Variants in AOPEP observed in about 807,000 individuals in gnomAD.
AOPEP encodes the protein aminopeptidase O (putative).
AOPEP carries 77 observed loss-of-function variants against 98.1 expected under a neutral mutation model. The observed-to-expected ratio is 0.78, with a 90% CI of 0.65 to 0.95. AOPEP has a LOEUF of 0.95. Among genes scored for constraint, AOPEP ranks in the 40% least tolerant of loss-of-function variants. The probability of loss-of-function intolerance (pLI) is 0.00; values close to 1 mark genes in which losing one functional copy is unlikely to be tolerated. For missense variants in AOPEP, 1,024 were observed against 1,024.7 expected, an observed-to-expected ratio of 1.00 and a Z score of 0.01; for synonymous variants, 346 against 365.3, an observed-to-expected ratio of 0.95 and a Z score of 0.60.
the AOPEP span, among the ~76,000 whole-genome samples, chr9:95,144,910 G>C: frequency 6.6e-6 from 1 of 152,032 alleles, no homozygotes; most frequent in Non-Finnish European, 1.5e-5. Context: ...CAAACATAAC[G>C]CTCGGACTCC....
intron 13 of AOPEP, among the ~76,000 whole-genome samples, chr9:95,021,036 T>A (rs1225829084): frequency 1.3e-5 from 2 of 151,932 alleles, no homozygotes; most frequent in Non-Finnish European, 2.9e-5. Context: ...TATTTGTAAA[T>A]ATATATGTTA....
chr9:95,118,788 T>C, the AOPEP span, among the ~76,000 whole-genome samples: 1 of 152,242 alleles, frequency 6.6e-6, no homozygotes, highest in African/African-American at 2.4e-5. Flanking sequence ...ATTGTATGAA[T>C]ATGCCATAGT....
intron 14 of AOPEP, among the ~76,000 whole-genome samples, chr9:95,063,026 G>C (rs1393594550): frequency 6.6e-6 from 1 of 152,194 alleles, no homozygotes; most frequent in East Asian, 1.9e-4. Flanking sequence ...ATGCTCCTTG[G>C]CCTGGAGAGT....
At chr9:94,947,121 C>A (rs1352934077) in intron 7 of AOPEP, among the ~76,000 whole-genome samples, 2 of 151,282 alleles carry the variant, frequency 1.3e-5, no homozygotes, top group Non-Finnish European at 2.9e-5. Context: ...GGACTACAGG[C>A]GCCTGCCACC....
chr9:94,756,777 G>C (rs1229750370), intron 1 of AOPEP, among the ~76,000 whole-genome samples: 1 of 152,106 alleles, frequency 6.6e-6, no homozygotes, highest in Non-Finnish European at 1.5e-5. Flanking sequence ...CTTTTGGGCA[G>C]CACTCCTGAC....
At chr9:94,874,380 A>C (rs1216148197) in intron 5 of AOPEP, among the ~76,000 whole-genome samples, 4 of 152,170 alleles carry the variant, frequency 2.6e-5, no homozygotes, top group Non-Finnish European at 4.4e-5. Context: ...CTTTAAAAAA[A>C]AAGCCACAGG....
chr9:94,929,302 G>A (rs183329483), intron 7 of AOPEP, among the ~76,000 whole-genome samples: 1 of 152,210 alleles, frequency 6.6e-6, no homozygotes, highest in Non-Finnish European at 1.5e-5. Context: ...TTAGATGGCC[G>A]CCCTGAAGGC....
At chr9:94,983,937 A>G (rs1042952307) in intron 11 of AOPEP, among the ~76,000 whole-genome samples, 2 of 143,240 alleles carry the variant, frequency 1.4e-5, no homozygotes, top group African/African-American at 5.1e-5. Flanking sequence ...TGGGCCTTGC[A>G]TATATTAACA....
the AOPEP span, chr9:95,101,877 A>G: frequency 1.2e-6 from 2 of 1,613,326 alleles, no homozygotes; most frequent in Non-Finnish European, 8.5e-7. Flanking sequence ...AGAGAAGGCA[A>G]ATTAAAACAC....
intron 5 of AOPEP, among the ~76,000 whole-genome samples, chr9:94,847,210 T>C (rs1431251263): frequency 1.3e-5 from 2 of 150,150 alleles, no homozygotes; most frequent in African/African-American, 2.4e-5. Context: ...TCTCCACACA[T>C]CCCCACCCTC....
At chr9:94,740,160 A>T (rs966067194) in intron 1 of AOPEP, among the ~76,000 whole-genome samples, 7 of 152,106 alleles carry the variant, frequency 4.6e-5, no homozygotes, top group Admixed American at 4.6e-4. Flanking sequence ...TTTCTGTGGG[A>T]AAGGCAAGGC....
intron 7 of AOPEP, chr9:94,932,275 AG>A: frequency 1.0e-6 from 1 of 985,166 alleles, no homozygotes; most frequent in Non-Finnish European, 1.2e-6. Flanking sequence ...TTATTTTAAA[AG>A]ACATTGAGAA....
At chr9:95,046,495 T>C (rs2065878661) in intron 13 of AOPEP, among the ~76,000 whole-genome samples, 1 of 152,218 alleles carries the variant, frequency 6.6e-6, no homozygotes, top group Admixed American at 6.5e-5. Flanking sequence ...CTGACATAAT[T>C]TTTAAGGGAA....
chr9:94,822,116 G>C (rs1853364624), intron 5 of AOPEP, among the ~76,000 whole-genome samples: 1 of 152,122 alleles, frequency 6.6e-6, no homozygotes. Context: ...TACATAGAGG[G>C]AACAGACAAA....
chr9:94,823,185 G>A (rs1468527333), intron 5 of AOPEP, among the ~76,000 whole-genome samples: 5 of 152,150 alleles, frequency 3.3e-5, no homozygotes, highest in Non-Finnish European at 7.4e-5. Context: ...TAGTAGGGAC[G>A]GGGTTTCTCC....
At position 94,897,904 on chromosome 9, in the gene AOPEP, A is replaced by G. The variant is rs1325055510; in HGVS notation, c.1365-26082A>G. 2.0e-5 allele frequency among the ~76,000 whole-genome samples: 3 copies of G among 147,728 alleles called. 1 individual carries two copies. The highest frequency in any genetic ancestry group is 4.0e-4 in the East Asian group (2 of 5,012). ...GCCCAGGCTGGAATGCAATAGCACTATCTCGGCTCACTGCAACCTCTGCCT... is the reference window on the plus strand; with the variant it reads ...GCCCAGGCTGGAATGCAATAGCACTGTCTCGGCTCACTGCAACCTCTGCCT... On this transcript the variant is annotated intron_variant, in intron 5 of 16. Transcript: ENST00000375315.
intron 5 of AOPEP, among the ~76,000 whole-genome samples, chr9:94,887,173 C>A (rs543343711): frequency 1.3e-5 from 2 of 150,984 alleles, no homozygotes; most frequent in Non-Finnish European, 1.5e-5. Context: ...AGACCCCCCC[C>A]GTCTCTACAA....
At chr9:94,911,226 T>C (rs1266389820) in intron 5 of AOPEP, among the ~76,000 whole-genome samples, 2 of 152,232 alleles carry the variant, frequency 1.3e-5, no homozygotes, top group African/African-American at 4.8e-5. Context: ...CTCTGGCCAG[T>C]GGGCTTCCTT....
the AOPEP span, among the ~76,000 whole-genome samples, chr9:95,116,374 T>C: frequency 4.6e-5 from 7 of 152,296 alleles, no homozygotes; most frequent in Non-Finnish European, 8.8e-5. Flanking sequence ...GAGAAGACAG[T>C]GTTAGGGGAT....
Sources: gnomAD v4.1 joint callset for allele counts (sites outside exome capture counted in the v4.1 genomes callset) on GRCh38, gnomAD v4.1.1 for gene constraint, MANE v1.5 for transcripts, NCBI Gene and HGNC (gene_info 2026-07-23, HGNC 2026-07-21) for gene names.